Variants in UQCRC2 observed in about 807,000 individuals in gnomAD.
UQCRC2 encodes the protein cytochrome b-c1 complex subunit 2, mitochondrial.
In UQCRC2, 49 loss-of-function variants were observed where a neutral mutation model predicts 55.6. The observed-to-expected ratio is 0.88, with a 90% CI of 0.70 to 1.12. The LOEUF (loss-of-function observed/expected upper bound fraction) is 1.12. Ranked by LOEUF, UQCRC2 falls within the 50% of genes most tolerant of loss-of-function variation. The pLI is 0.00. For synonymous variants in UQCRC2, 193 were observed against 192.0 expected (o/e 1.01, Z -0.04); for missense variants, 506 against 547.8 (o/e 0.92, Z 0.76).
intron 1 of UQCRC2, among the ~76,000 whole-genome samples, chr16:21,954,853 G>A (rs1898063354): frequency 6.6e-6 from 1 of 151,244 alleles, no homozygotes; most frequent in Non-Finnish European, 1.5e-5. Context: ...AAACCAGTCT[G>A]GCCATCATGG....
intron 12 of UQCRC2, among the ~76,000 whole-genome samples, chr16:21,979,597 A>C (rs1257424769): frequency 1.3e-5 from 2 of 152,178 alleles, no homozygotes; most frequent in Non-Finnish European, 2.9e-5. Flanking sequence ...GTACAGTAAA[A>C]ATACAGCACA....
At chr16:21,957,636 A>G (rs939005627) in intron 3 of UQCRC2, 70 bp downstream of exon 3, 12 of 1,562,142 alleles carry the variant, frequency 7.7e-6, no homozygotes, top group African/African-American at 2.7e-5. Flanking sequence ...AAGAAAAACT[A>G]AGATCAATGT....
chr16:21,970,162 T>G (rs919263070), intron 8 of UQCRC2, among the ~76,000 whole-genome samples: 3 of 152,228 alleles, frequency 2.0e-5, no homozygotes, highest in Non-Finnish European at 4.4e-5. Context: ...TTATTCCCTT[T>G]TATGGCTCAA....
intron 2 of UQCRC2, 45 bp downstream of exon 2, chr16:21,957,363 T>A (rs760254294): frequency 6.2e-6 from 10 of 1,613,850 alleles, no homozygotes; most frequent in Non-Finnish European, 8.5e-6. Flanking sequence ...CATGCCTTAC[T>A]CTCCTTGGTA....
chr16:21,971,826 C>T (rs775951093), intron 9 of UQCRC2, 97 bp from the exon 10 acceptor site: 225 of 1,545,642 alleles, frequency 1.5e-4, no homozygotes, highest in Non-Finnish European at 1.8e-4. Context: ...GCAGAAAAGA[C>T]TCGTGGGTTA....
chr16:21,965,620 C>T (rs147378271), intron 7 of UQCRC2, 115 bp downstream of exon 7: 14 of 854,142 alleles, frequency 1.6e-5, no homozygotes, highest in African/African-American at 3.6e-5. Flanking sequence ...AGAAATTCAG[C>T]GTGCTAGCTT....
intron 12 of UQCRC2, among the ~76,000 whole-genome samples, chr16:21,977,937 C>T (rs1305834193): frequency 6.6e-6 from 1 of 152,086 alleles, no homozygotes; most frequent in Non-Finnish European, 1.5e-5. Context: ...CGATAGGATG[C>T]AGGGCTGCTT....
intron 12 of UQCRC2, 142 bp downstream of exon 12, chr16:21,976,385 A>G: frequency 1.5e-6 from 1 of 688,980 alleles, no homozygotes; most frequent in Non-Finnish European, 2.4e-6. Flanking sequence ...CCCATATCCT[A>G]CCACCTAAAG....
intron 8 of UQCRC2, 40 bp from the exon 9 acceptor site, chr16:21,971,485 A>G (rs1898458971): frequency 6.8e-7 from 1 of 1,474,296 alleles, no homozygotes; most frequent in Non-Finnish European, 9.4e-7. Flanking sequence ...GTGTTTTAGT[A>G]ATTGTGGTTC....
intron 12 of UQCRC2, among the ~76,000 whole-genome samples, chr16:21,978,832 C>T (rs754899339): frequency 7.2e-5 from 11 of 152,080 alleles, no homozygotes; most frequent in Non-Finnish European, 1.5e-4. Flanking sequence ...CCCTGTTTCA[C>T]TGTGTAAGAG....
In UQCRC2 at chr16:21,961,626, TTATATATATATATATATATATATATA is replaced by T. The variant is rs67999727; in HGVS notation, c.333-816_333-791del. 2.6e-3 allele frequency among the ~76,000 whole-genome samples: 166 copies of T among 64,484 alleles called. 4 individuals are homozygous for T. Among genetic ancestry groups the T allele is most frequent in the Middle Eastern group, 0.011 (1 of 94 alleles). 42.3% of individuals were successfully genotyped at this position (64,484 alleles called of 152,430 possible). A position where few individuals can be genotyped will look rare whatever the true frequency, so the allele number is the denominator to read the frequency against. ...TGGTCAAATGTATATAACATAAAAT[TTATATATATATATATATATATATATA>T]TATATATATATATATATTTTAGACA... On this transcript the variant is annotated intron_variant, in intron 4 of 13. Coordinates refer to ENST00000268379, the MANE Select transcript of UQCRC2 (RefSeq NM_003366.4).
At chr16:21,954,765 G>A (rs1205172350) in intron 1 of UQCRC2, among the ~76,000 whole-genome samples, 4 of 151,946 alleles carry the variant, frequency 2.6e-5, no homozygotes, top group East Asian at 3.9e-4. Context: ...CATTACCGGC[G>A]GAGCGCGATG....
At chr16:21,980,731 A>G in intron 13 of UQCRC2, 31 bp downstream of exon 13, 1 of 1,610,992 alleles carries the variant, frequency 6.2e-7, no homozygotes, top group Non-Finnish European at 8.5e-7. Flanking sequence ...CGATTTAACA[A>G]CAGAGAACTT....
rs899057323 is a variant in UQCRC2 at position 21,975,053 on chromosome 16, G to C, written c.1047+1077G>C. The stretch of plus-strand genomic sequence containing the variant: ...CACAAATTCATAGTACAGTCAGTCA[G>C]CACTGTCATGTAATTTTTCTTCAGT... On this transcript the variant is annotated intron_variant, in intron 11 of 13. Transcript: ENST00000268379. 2.6e-5 allele frequency among the ~76,000 whole-genome samples: 4 copies of C among 152,314 alleles called. No individual in the cohort carries two copies. The Middle Eastern group carries it at 0.014, about 518-fold the overall frequency.
At chr16:21,959,589 G>A (rs1302949303) in intron 4 of UQCRC2, 1 of 152,848 alleles carries the variant, frequency 6.5e-6, no homozygotes, top group African/African-American at 2.4e-5. Flanking sequence ...TCACGTTAAT[G>A]TTGATACTTT....
At chr16:21,981,369 T>G (rs1898722619) in intron 13 of UQCRC2, among the ~76,000 whole-genome samples, 1 of 152,198 alleles carries the variant, frequency 6.6e-6, no homozygotes, top group Non-Finnish European at 1.5e-5. Flanking sequence ...TTTTCTACAT[T>G]AAACTTGCCA....
chr16:21,973,208 A>G (rs1445144512), intron 10 of UQCRC2, among the ~76,000 whole-genome samples: 1 of 152,210 alleles, frequency 6.6e-6, no homozygotes, highest in Non-Finnish European at 1.5e-5. Context: ...ATTACCTGGA[A>G]CACTTGTTAA....
At chr16:21,960,244 C>T (rs768214251) in intron 4 of UQCRC2, among the ~76,000 whole-genome samples, 12 of 152,202 alleles carry the variant, frequency 7.9e-5, no homozygotes, top group Non-Finnish European at 1.5e-4. Flanking sequence ...TTCTGGATAA[C>T]GTGCTGCAGC....
intron 10 of UQCRC2, among the ~76,000 whole-genome samples, 160 bp from the exon 11 acceptor site, chr16:21,973,736 T>C (rs977766024): frequency 1.3e-5 from 2 of 152,222 alleles, no homozygotes; most frequent in Non-Finnish European, 2.9e-5. Flanking sequence ...AGGTAACCTA[T>C]TTACAGAATA....
Sources: gnomAD v4.1 joint callset for allele counts (sites outside exome capture counted in the v4.1 genomes callset) on GRCh38, gnomAD v4.1.1 for gene constraint, MANE v1.5 for transcripts, NCBI Gene and HGNC (gene_info 2026-07-23, HGNC 2026-07-21) for gene names.